Variants in GPM6B observed in about 807,000 individuals in gnomAD.
The protein encoded by GPM6B is neuronal membrane glycoprotein M6-b.
A neutral mutation model predicts 27.2 loss-of-function variants in GPM6B; 4 were observed. The ratio of observed to expected loss-of-function variants is 0.15; its 90% CI spans 0.07 to 0.34. The LOEUF (loss-of-function observed/expected upper bound fraction) is 0.34, where lower values mean the gene tolerates loss of function less well. Among genes scored for constraint, GPM6B ranks in the 10% least tolerant of loss-of-function variants. The pLI is 1.00. For missense variants in GPM6B, 183 were observed against 261.9 expected (o/e 0.70, Z 2.08); for synonymous variants, 124 against 103.1 (o/e 1.20, Z -1.23).
At chrX:13,828,987 G>T (rs2049408228) in intron 1 of GPM6B, among the ~76,000 whole-genome samples, 1 of 111,444 alleles carries the variant, frequency 9.0e-6, no homozygotes, top group African/African-American at 3.3e-5. Context: ...GGGAAACCAA[G>T]AGTCAGGCAG....
intron 4 of GPM6B, 102 bp downstream of exon 4, chrX:13,783,263 T>C (rs1301765793): frequency 4.3e-6 from 3 of 697,790 alleles, no homozygotes; most frequent in African/African-American, 4.4e-5. Flanking sequence ...GGACCCTCCA[T>C]TCACGCTCGA....
chrX:13,852,737 T>G (rs1455979454), intron 1 of GPM6B, among the ~76,000 whole-genome samples: 1 of 108,919 alleles, frequency 9.2e-6, no homozygotes, highest in African/African-American at 3.3e-5. Flanking sequence ...TCTTTTGCTA[T>G]TACAAATAAA....
intron 1 of GPM6B, among the ~76,000 whole-genome samples, chrX:13,877,851 A>AAAAAAAAAAAAAAAAT (rs2050053862): frequency 9.5e-6 from 1 of 105,497 alleles, no homozygotes; most frequent in African/African-American, 3.5e-5. Context: ...AAAAAAAAAA[A>AAAAAAAAAAAAAAAAT]TTCACCATAT....
chrX:13,798,729 C>G (rs893508789), intron 2 of GPM6B, among the ~76,000 whole-genome samples: 4 of 112,652 alleles, frequency 3.6e-5, no homozygotes, highest in Non-Finnish European at 7.5e-5. Context: ...TCACTTAGAA[C>G]CAATTTCCTG....
chrX:13,881,462 T>C (rs994365667), intron 1 of GPM6B, among the ~76,000 whole-genome samples: 97 of 108,598 alleles, frequency 8.9e-4, no homozygotes, highest in Non-Finnish European at 1.5e-3. Context: ...CAGTGAGCCA[T>C]GATTGCATCA....
At chrX:13,829,465 T>C (rs780265812) in intron 1 of GPM6B, among the ~76,000 whole-genome samples, 4 of 111,920 alleles carry the variant, frequency 3.6e-5, no homozygotes, top group Non-Finnish European at 7.5e-5. Context: ...CCCACCACCA[T>C]CATACAGGTC....
rs2048315722 is a variant in GPM6B at position 13,772,327 on chromosome X, T to C, written c.*554A>G. Reference sequence around the variant, plus strand: ...TCAGGAAATTAATGGGTCCTGGACTTGGGAGGGAAAAGCTAGTTTGAGAAA... The same window carrying C: ...TCAGGAAATTAATGGGTCCTGGACTCGGGAGGGAAAAGCTAGTTTGAGAAA... On this transcript the variant is annotated 3_prime_UTR_variant, in exon 8 of 8. Transcript: ENST00000316715. 1.8e-5 allele frequency: 2 copies of C among 112,121 alleles called. No homozygotes were observed. Among genetic ancestry groups the C allele is most frequent in the South Asian group, 3.7e-4 (1 of 2,722 alleles). 9.2% of individuals were successfully genotyped at this position (112,121 alleles called of 1,213,427 possible).
intron 1 of GPM6B, among the ~76,000 whole-genome samples, chrX:13,822,422 G>A (rs1415413752): frequency 9.1e-6 from 1 of 110,164 alleles, no homozygotes; most frequent in Non-Finnish European, 1.9e-5. Context: ...CTGGAGTACA[G>A]TGGTGCAATC....
chrX:13,866,320 G>A (rs73453300), intron 1 of GPM6B, among the ~76,000 whole-genome samples: 22,765 of 111,485 alleles, frequency 0.2, 1,882 homozygotes, highest in East Asian at 0.59. Context: ...CTGAGATCGC[G>A]CCATTGCACT....
chrX:13,829,288 T>C (rs192638202), intron 1 of GPM6B, among the ~76,000 whole-genome samples: 1 of 111,633 alleles, frequency 9.0e-6, no homozygotes, highest in Non-Finnish European at 1.9e-5. Context: ...TATGATACCA[T>C]GTGACCTTCC....
At chrX:13,926,409 CAAAAAAACAAACAAACA>C (rs372293031) in intron 1 of GPM6B, among the ~76,000 whole-genome samples, 19 of 16,618 alleles carry the variant, frequency 1.1e-3, no homozygotes, top group Admixed American at 4.5e-3. Context: ...GACTCCATCT[CAAAAAAACAAACAAACA>C]AAAAAAAAAA....
intron 2 of GPM6B, among the ~76,000 whole-genome samples, chrX:13,804,433 CGGG>C (rs1427922805): frequency 2.5e-4 from 1 of 4,014 alleles, no homozygotes; most frequent in African/African-American, 9.6e-4. Flanking sequence ...GGGCGGGGGG[CGGG>C]GGTAGCCCAT....
At chrX:13,828,300 T>C (rs1274725590) in intron 1 of GPM6B, among the ~76,000 whole-genome samples, 3 of 110,539 alleles carry the variant, frequency 2.7e-5, no homozygotes, top group South Asian at 3.9e-4. Context: ...TGTTAATGGA[T>C]GAATGGATTA....
intron 1 of GPM6B, among the ~76,000 whole-genome samples, chrX:13,847,853 G>C (rs965548564): frequency 1.1e-4 from 12 of 112,233 alleles, no homozygotes; most frequent in African/African-American, 3.9e-4. Flanking sequence ...AGATCCTAAG[G>C]TTGGAAGAAA....
intron 1 of GPM6B, among the ~76,000 whole-genome samples, chrX:13,875,150 G>A (rs1340009762): frequency 9.0e-6 from 1 of 111,647 alleles, no homozygotes; most frequent in Admixed American, 9.5e-5. Flanking sequence ...AAGTGCCTTT[G>A]AGCACAGAGA....
chrX:13,791,934 CA>C (rs774951414), intron 2 of GPM6B, among the ~76,000 whole-genome samples: 1 of 110,852 alleles, frequency 9.0e-6, no homozygotes, highest in Non-Finnish European at 1.9e-5. Flanking sequence ...AAACACCACA[CA>C]AAAAAACCAC....
intron 1 of GPM6B, among the ~76,000 whole-genome samples, chrX:13,866,100 AC>A (rs1451599797): frequency 8.9e-6 from 1 of 112,046 alleles, no homozygotes; most frequent in African/African-American, 3.2e-5. Context: ...GCAGTGGCTC[AC>A]GCCTGTAATC....
chrX:13,783,751 C>T, intron 3 of GPM6B: 1 of 465,156 alleles, frequency 2.1e-6, no homozygotes, highest in Non-Finnish European at 3.9e-6. Context: ...CTCAGGGCAG[C>T]ATCCAGTTGT....
At chrX:13,929,863 A>T (rs754268324) in intron 1 of GPM6B, among the ~76,000 whole-genome samples, 11 of 112,229 alleles carry the variant, frequency 9.8e-5, no homozygotes, top group Admixed American at 1.9e-4. Flanking sequence ...AGAAAGGAAG[A>T]AAAAAGGACT....
Sources: gnomAD v4.1 joint callset for allele counts (sites outside exome capture counted in the v4.1 genomes callset) on GRCh38, gnomAD v4.1.1 for gene constraint, MANE v1.5 for transcripts, NCBI Gene and HGNC (gene_info 2026-07-23, HGNC 2026-07-21) for gene names.